The following RIGI variants were observed in gnomAD, a reference collection of about 807,000 sequenced individuals.
RIGI encodes antiviral innate immune response receptor RIG-I.
At chr9:32,478,517 T>G in the RIGI span, among the ~76,000 whole-genome samples, 1 of 152,170 alleles carries the variant, frequency 6.6e-6, no homozygotes, top group Admixed American at 6.6e-5. Flanking sequence ...GTGGGAGCAG[T>G]TATACCATGG....
chr9:32,491,713 CAAAAAA>C, the RIGI span, among the ~76,000 whole-genome samples: 6 of 100,420 alleles, frequency 6.0e-5, no homozygotes, highest in Admixed American at 1.0e-4. Context: ...TCGTATGCAC[CAAAAAA>C]AAAAAAAAAA....
At chr9:32,510,016 A>T in the RIGI span, among the ~76,000 whole-genome samples, 2 of 152,012 alleles carry the variant, frequency 1.3e-5, no homozygotes, top group African/African-American at 2.4e-5. Flanking sequence ...AATGAAATAA[A>T]GCATGAAGAC....
At chr9:32,487,636 G>A in the RIGI span, 2 of 1,611,852 alleles carry the variant, frequency 1.2e-6, no homozygotes, top group African/African-American at 1.3e-5. Context: ...CCAATGACCT[G>A]TAAGGAGCAT....
the RIGI span, among the ~76,000 whole-genome samples, chr9:32,477,957 G>A: frequency 3.3e-5 from 5 of 152,098 alleles, no homozygotes; most frequent in African/African-American, 1.2e-4. Flanking sequence ...AATACATATA[G>A]TTATAAAACA....
chr9:32,481,628 C>T, the RIGI span: 2 of 661,862 alleles, frequency 3.0e-6, no homozygotes, highest in Admixed American at 3.1e-5. Context: ...CTCTGATGCC[C>T]AGGCTGTAGT....
At chr9:32,484,232 G>A in the RIGI span, among the ~76,000 whole-genome samples, 10 of 152,276 alleles carry the variant, frequency 6.6e-5, no homozygotes, top group South Asian at 4.1e-4. Flanking sequence ...ATGTATTCAT[G>A]AAGACTAACT....
At chr9:32,514,018 C>A in the RIGI span, among the ~76,000 whole-genome samples, 1 of 152,172 alleles carries the variant, frequency 6.6e-6, no homozygotes, top group Non-Finnish European at 1.5e-5. Context: ...ATCAAAACCA[C>A]AATGAGATAC....
chr9:32,480,139 TA>T, the RIGI span: 1 of 1,481,598 alleles, frequency 6.7e-7, no homozygotes, highest in African/African-American at 1.4e-5. Flanking sequence ...TTATATATAT[TA>T]AATGCAATAC....
chr9:32,487,993 A>C, the RIGI span: 1 of 1,614,112 alleles, frequency 6.2e-7, no homozygotes, highest in South Asian at 1.1e-5. Context: ...CTAGATAATT[A>C]AACATGATCA....
At chr9:32,458,889 CTTTTTTT>C in the RIGI span, among the ~76,000 whole-genome samples, 1 of 125,034 alleles carries the variant, frequency 8.0e-6, no homozygotes, top group Non-Finnish European at 1.6e-5. Flanking sequence ...TTTAGCATGA[CTTTTTTT>C]TTTTTTTTTT....
the RIGI span, among the ~76,000 whole-genome samples, chr9:32,483,994 T>G: frequency 1.3e-5 from 2 of 152,156 alleles, no homozygotes; most frequent in Non-Finnish European, 2.9e-5. Context: ...GGGTTCATGC[T>G]GTATTCCCAT....
chr9:32,462,523 C>T, the RIGI span, among the ~76,000 whole-genome samples: 6 of 151,174 alleles, frequency 4.0e-5, no homozygotes, highest in Non-Finnish European at 7.4e-5. Context: ...ATTCTCCTGC[C>T]TCAGCCTCCC....
At chr9:32,511,492 T>C in the RIGI span, among the ~76,000 whole-genome samples, 1 of 151,946 alleles carries the variant, frequency 6.6e-6, no homozygotes, top group Non-Finnish European at 1.5e-5. Flanking sequence ...ACAGGGTAAA[T>C]ATGAAATGAA....
At chr9:32,495,659 C>CTT in the RIGI span, among the ~76,000 whole-genome samples, 867 of 120,724 alleles carry the variant, frequency 7.2e-3, 34 homozygotes, top group African/African-American at 0.017. Context: ...AGTCCTTTGC[C>CTT]TTTTTTTTTT....
At chr9:32,462,593 G>C in the RIGI span, among the ~76,000 whole-genome samples, 1 of 151,858 alleles carries the variant, frequency 6.6e-6, no homozygotes, top group African/African-American at 2.4e-5. Flanking sequence ...ATTTTTAGTA[G>C]AGATGGGGCT....
the RIGI span, among the ~76,000 whole-genome samples, chr9:32,497,762 GAATGAATA>G: frequency 4.0e-5 from 6 of 148,232 alleles, no homozygotes; most frequent in South Asian, 2.1e-4. Context: ...AAAAATGAAT[GAATGAATA>G]AATAAATAAA....
the RIGI span, chr9:32,456,892 G>A: frequency 2.1e-6 from 1 of 480,194 alleles, no homozygotes; most frequent in Non-Finnish European, 3.7e-6. Context: ...TAGAAATGAG[G>A]CTTTTTAATT....
At chr9:32,497,300 T>C in the RIGI span, among the ~76,000 whole-genome samples, 1 of 152,252 alleles carries the variant, frequency 6.6e-6, no homozygotes, top group Non-Finnish European at 1.5e-5. Flanking sequence ...TTTAATGCTA[T>C]TATAAATGGA....
the RIGI span, among the ~76,000 whole-genome samples, chr9:32,463,487 A>T: frequency 1.3e-5 from 2 of 152,382 alleles, no homozygotes; most frequent in Non-Finnish European, 2.9e-5. Context: ...CCAACTTTTT[A>T]AAAAAATTCA....
Sources: gnomAD v4.1 joint callset for allele counts (sites outside exome capture counted in the v4.1 genomes callset) on GRCh38, gnomAD v4.1.1 for gene constraint, MANE v1.5 for transcripts, NCBI Gene and HGNC (gene_info 2026-07-23, HGNC 2026-07-21) for gene names.